CNBD2: variants seen among roughly 807,000 people sequenced by gnomAD.
CNBD2 encodes cyclic nucleotide binding domain containing 2.
CNBD2 carries 64 observed loss-of-function variants against 63.7 expected under a neutral mutation model. The observed-to-expected ratio is 1.00, with a 90% CI of 0.82 to 1.24. CNBD2 has a LOEUF of 1.24. Ranked by LOEUF, CNBD2 falls within the 50% of genes most tolerant of loss-of-function variation. The probability of loss-of-function intolerance (pLI) is 0.00; values close to 1 mark genes in which losing one functional copy is unlikely to be tolerated. For missense variants in CNBD2, 691 were observed against 713.5 expected, an observed-to-expected ratio of 0.97 and a Z score of 0.36; for synonymous variants, 229 against 255.4, an observed-to-expected ratio of 0.90 and a Z score of 0.99.
At position 35,975,361 on chromosome 20, in the gene CNBD2, C is replaced by T. The variant is rs1369547523; in HGVS notation, c.190-588C>T. Among the ~76,000 whole-genome samples, 11 of 112,674 alleles carry T rather than the reference C, an allele frequency of 9.8e-5. 2 individuals carry two copies. Among genetic ancestry groups the T allele is most frequent in the Non-Finnish European group, 1.5e-4 (8 of 53,314 alleles). 73.9% of individuals were successfully genotyped at this position (112,674 alleles called of 152,430 possible). On this transcript the variant is annotated intron_variant, in intron 2 of 11. Transcript: ENST00000373973. Reference sequence around the variant, plus strand: ...TGTTGCCCAGGCTGGAGTGCAGTGGCGCGATCTCGGCTCACTGCAAGCTCC... The same window carrying T: ...TGTTGCCCAGGCTGGAGTGCAGTGGTGCGATCTCGGCTCACTGCAAGCTCC...
intron 8 of CNBD2, among the ~76,000 whole-genome samples, chr20:36,002,637 T>C (rs1438251349): frequency 6.6e-6 from 1 of 152,236 alleles, no homozygotes; most frequent in Non-Finnish European, 1.5e-5. Context: ...TTGTATATTT[T>C]CTGTACACAG....
rs765009282 is a variant in CNBD2, at chr20:36,008,287, T to C, written c.971-10T>C. On this transcript the variant is annotated splice_polypyrimidine_tract_variant and intron_variant, in intron 8 of 11. Transcript: ENST00000373973. Reference sequence around the variant, plus strand: ...TCCATAAGTATCTTTTCCTGTGCTTTCTCTAACAGAATACTCTCCTATGGA... The same window carrying C: ...TCCATAAGTATCTTTTCCTGTGCTTCCTCTAACAGAATACTCTCCTATGGA... The C allele has an allele frequency of 6.3e-7, 1 of 1,597,800 alleles. No individual in the cohort carries two copies. Among genetic ancestry groups the C allele is most frequent in the Non-Finnish European group, 8.5e-7 (1 of 1,173,536 alleles).
upstream of CNBD2, chr20:35,954,558 C>T: frequency 6.7e-7 from 1 of 1,487,512 alleles, no homozygotes; most frequent in South Asian, 1.2e-5. Flanking sequence ...GGAAGCGGCG[C>T]CCTCTAGCGT....
chr20:36,014,635 A>AT (rs112813278), intron 10 of CNBD2, among the ~76,000 whole-genome samples: 28 of 122,704 alleles, frequency 2.3e-4, no homozygotes, highest in South Asian at 2.6e-4. Context: ...GGCCTCTTTT[A>AT]TTTTTTTTTT....
At chr20:36,000,561 G>A (rs1015576554) in intron 8 of CNBD2, among the ~76,000 whole-genome samples, 38 of 151,524 alleles carry the variant, frequency 2.5e-4, no homozygotes, top group Non-Finnish European at 5.0e-4. Flanking sequence ...ATTTGTTGTT[G>A]TTGTTGTTGG....
chr20:36,025,210 C>A (rs1045778427), intron 11 of CNBD2, among the ~76,000 whole-genome samples: 1 of 152,080 alleles, frequency 6.6e-6, no homozygotes, highest in Non-Finnish European at 1.5e-5. Flanking sequence ...AAAACACTTA[C>A]CCGAGAGAAA....
At position 35,995,128 on chromosome 20, in the gene CNBD2, A is replaced by G. The variant is rs111871999; in HGVS notation, c.946A>G (p.Arg316Gly). ...IWQHLELIDG[R>G]PLKTHLSEYS... ...GCAGCACCTGGAGCTGATAGATGGCAGACCTCTGAAGACCCACCTGAGTGG... is the reference window on the plus strand; with the variant it reads ...GCAGCACCTGGAGCTGATAGATGGCGGACCTCTGAAGACCCACCTGAGTGG... Residue 316 changes from arginine to glycine, a missense_variant, in exon 8 of 12, where the codon AGA (arginine) becomes GGA (glycine). Arg to Gly is a moderately radical substitution (Grantham distance 125). Coordinates refer to ENST00000373973, the MANE Select transcript of CNBD2 (RefSeq NM_001365709.1). The G allele has an allele frequency of 3.1e-6, 5 of 1,613,768 alleles. No individual in the cohort carries two copies. The highest frequency in any genetic ancestry group is 3.4e-6 in the Non-Finnish European group (4 of 1,179,742).
At chr20:36,021,900 G>A (rs934363672) in intron 10 of CNBD2, among the ~76,000 whole-genome samples, 3 of 151,660 alleles carry the variant, frequency 2.0e-5, no homozygotes, top group African/African-American at 4.9e-5. Flanking sequence ...AGGACCTGTG[G>A]CCACCGAAGT....
At position 35,972,737 on chromosome 20, in the gene CNBD2, T is replaced by A. The variant is rs753021123; in HGVS notation, c.160T>A (p.Trp54Arg). Reference protein sequence around the residue: ...REYQIIETAHWKHPIFSFWDK... With the variant: ...REYQIIETAHRKHPIFSFWDK... ...ATATCAAATCATTGAGACTGCTCACTGGAAGCACCCTATCTTCTCCTTCTG... is the reference window on the plus strand; with the variant it reads ...ATATCAAATCATTGAGACTGCTCACAGGAAGCACCCTATCTTCTCCTTCTG... The change falls in exon 2 of 12, where the codon TGG becomes AGG. Residue 54 changes from tryptophan to arginine, a missense_variant. Transcript: ENST00000373973. The A allele has an allele frequency of 1.2e-6, 2 of 1,614,174 alleles. No homozygotes were observed. The highest frequency in any genetic ancestry group is 1.7e-6 in the Non-Finnish European group (2 of 1,180,030).
chr20:35,954,439 G>C, upstream of CNBD2: 6 of 1,549,822 alleles, frequency 3.9e-6, no homozygotes, highest in Non-Finnish European at 5.2e-6. Flanking sequence ...GAGAGTGTGC[G>C]GAGCTTACCT....
intron 8 of CNBD2, among the ~76,000 whole-genome samples, chr20:36,001,661 G>T (rs1295843012): frequency 6.7e-6 from 1 of 148,256 alleles, no homozygotes; most frequent in African/African-American, 2.5e-5. Flanking sequence ...CCAGGCGGAG[G>T]GTCTCCTCAC....
intron 2 of CNBD2, among the ~76,000 whole-genome samples, chr20:35,962,395 A>G (rs977610475): frequency 2.6e-5 from 4 of 151,506 alleles, no homozygotes; most frequent in Non-Finnish European, 5.9e-5. Context: ...AGTAGCTGGG[A>G]CTACAGGCGC....
intron 3 of CNBD2, among the ~76,000 whole-genome samples, chr20:35,979,289 C>A (rs970606422): frequency 6.6e-6 from 1 of 152,192 alleles, no homozygotes; most frequent in African/African-American, 2.4e-5. Context: ...GTAACATCCC[C>A]AGCCTGCCAT....
intron 10 of CNBD2, among the ~76,000 whole-genome samples, chr20:36,011,459 G>T (rs2057060554): frequency 6.6e-6 from 1 of 152,106 alleles, no homozygotes; most frequent in African/African-American, 2.4e-5. Flanking sequence ...GGCCGAGGTG[G>T]GCAGATCACA....
chr20:36,028,631 A>G (rs1225428438), intron 11 of CNBD2, among the ~76,000 whole-genome samples: 1 of 151,548 alleles, frequency 6.6e-6, no homozygotes, highest in Non-Finnish European at 1.5e-5. Context: ...ACAGACAGAC[A>G]GTATGAACTA....
intron 11 of CNBD2, among the ~76,000 whole-genome samples, chr20:36,029,670 A>G (rs2057321391): frequency 6.6e-6 from 1 of 152,204 alleles, no homozygotes; most frequent in South Asian, 2.1e-4. Context: ...TCTTAAGCCA[A>G]TCTCTATGGA....
intron 8 of CNBD2, among the ~76,000 whole-genome samples, chr20:35,998,040 C>CTTTTTTTTTTTTTT (rs1046661526): frequency 1.5e-4 from 19 of 127,104 alleles, no homozygotes; most frequent in African/African-American, 2.4e-4. Context: ...TTTTCTTTTT[C>CTTTTTTTTTTTTTT]TTTTTTTTTT....
In CNBD2 at chr20:36,023,650, T is replaced by C. The variant is rs1319282168; in HGVS notation, c.1318T>C (p.Leu440=). 6.2e-7 allele frequency: 1 copy of C among 1,613,578 alleles called. No individual in the cohort carries two copies. Among genetic ancestry groups the C allele is most frequent in the Non-Finnish European group, 8.5e-7 (1 of 1,179,838 alleles). Reference sequence around the variant, plus strand: ...AGAGGGTGAATGCGACACACGACCCTTGATCCTGATGAGCCTGGGAAATGA... The same window carrying C: ...AGAGGGTGAATGCGACACACGACCCCTGATCCTGATGAGCCTGGGAAATGA... The part of the protein sequence containing the change: ...LPEGECDTRP[L]ILMSLGNELI... The change falls in exon 11 of 12, where the codon TTG becomes CTG. Residue 440 remains leucine, a synonymous_variant. Coordinates refer to ENST00000373973, the MANE Select transcript of CNBD2 (RefSeq NM_001365709.1).
At chr20:35,961,696 G>A (rs2147173500) in intron 2 of CNBD2, among the ~76,000 whole-genome samples, 1 of 152,216 alleles carries the variant, frequency 6.6e-6, no homozygotes, top group Middle Eastern at 3.4e-3. Flanking sequence ...AGCTGCTTGT[G>A]GGATTGTGTG....
Sources: allele counts gnomAD v4.1 joint callset (sites outside exome capture counted in the v4.1 genomes callset), GRCh38; gene constraint gnomAD v4.1.1; transcripts MANE v1.5; gene names NCBI Gene and HGNC (gene_info 2026-07-23, HGNC 2026-07-21).